UNC13C: variants seen among roughly 807,000 people sequenced by gnomAD.
UNC13C encodes the protein unc-13 homolog C, also known as protein unc-13 homolog C.
In UNC13C, 174 loss-of-function variants were observed where a neutral mutation model predicts 245.4. The observed-to-expected ratio is 0.71, with a 90% CI of 0.63 to 0.80. The LOEUF is 0.80. UNC13C is among the 30% of genes least tolerant of loss of function. The probability of loss-of-function intolerance (pLI) is 0.00; values close to 1 mark genes in which losing one functional copy is unlikely to be tolerated. For missense variants in UNC13C, 2,829 were observed against 2,602.9 expected (o/e 1.09, Z -1.89); for synonymous variants, 992 against 895.1 (o/e 1.11, Z -1.93).
At chr15:54,544,308 G>A (rs1896386693) in intron 26 of UNC13C, among the ~76,000 whole-genome samples, 1 of 152,052 alleles carries the variant, frequency 6.6e-6, no homozygotes, top group Non-Finnish European at 1.5e-5. Flanking sequence ...AAAATAATAA[G>A]AGCTATTTAT....
intron 4 of UNC13C, among the ~76,000 whole-genome samples, chr15:54,170,619 G>T (rs75607373): frequency 0.018 from 2,758 of 151,900 alleles, 60 homozygotes; most frequent in Admixed American, 0.068. Context: ...CATTTCATTT[G>T]AACAGGTTAA....
In UNC13C at chr15:54,446,912, A is replaced by C. The variant is rs1198746311; in HGVS notation, c.4933+31845A>C. Among the ~76,000 whole-genome samples the C allele has an allele frequency of 1.2e-4, 19 of 152,166 alleles. 1 individual carries two copies. The highest frequency in any genetic ancestry group is 1.0e-3 in the Admixed American group (16 of 15,282). On this transcript the variant is annotated intron_variant, in intron 19 of 32. Coordinates refer to ENST00000260323, the MANE Select transcript of UNC13C (RefSeq NM_001080534.3). Reference sequence around the variant, plus strand: ...TTCCAGTTTTTGCCCATTCAGTATGATATTGGCTGTGGGTTTGTAGTAAAT... The same window carrying C: ...TTCCAGTTTTTGCCCATTCAGTATGCTATTGGCTGTGGGTTTGTAGTAAAT...
chr15:54,559,326 C>T (rs998108025), intron 29 of UNC13C, among the ~76,000 whole-genome samples: 5 of 152,014 alleles, frequency 3.3e-5, no homozygotes, highest in Non-Finnish European at 5.9e-5. Context: ...GTGTTTCTTA[C>T]CCTCGCAGAG....
At chr15:54,469,254 C>G (rs1194366576) in intron 19 of UNC13C, among the ~76,000 whole-genome samples, 3 of 151,488 alleles carry the variant, frequency 2.0e-5, no homozygotes, top group Non-Finnish European at 4.4e-5. Flanking sequence ...AGAAATGATA[C>G]TAATTTTCAT....
chr15:54,280,775 T>TACAC (rs2036972156), intron 10 of UNC13C, among the ~76,000 whole-genome samples: 2 of 136,612 alleles, frequency 1.5e-5, no homozygotes, highest in Non-Finnish European at 3.1e-5. Flanking sequence ...CATACATATA[T>TACAC]ATATATACAC....
intron 4 of UNC13C, among the ~76,000 whole-genome samples, chr15:54,213,699 T>C (rs4503740): frequency 0.22 from 32,870 of 152,040 alleles, 3,728 homozygotes; most frequent in Middle Eastern, 0.3. Flanking sequence ...TAAGTGCATG[T>C]AAGCATAAAG....
chr15:54,204,754 A>T (rs2140730514), intron 4 of UNC13C, among the ~76,000 whole-genome samples: 1 of 152,098 alleles, frequency 6.6e-6, no homozygotes, highest in South Asian at 2.1e-4. Flanking sequence ...GGAAAGCAAA[A>T]GAATTATTAT....
At chr15:54,571,986 T>C (rs1897775466) in intron 30 of UNC13C, among the ~76,000 whole-genome samples, 2 of 152,214 alleles carry the variant, frequency 1.3e-5, no homozygotes, top group Non-Finnish European at 2.9e-5. Context: ...CTTATTTTTT[T>C]AGCTTATTTA....
intron 1 of UNC13C, among the ~76,000 whole-genome samples, chr15:53,996,785 T>C (rs762177738): frequency 2.5e-4 from 38 of 151,880 alleles, no homozygotes; most frequent in Non-Finnish European, 2.4e-4. Context: ...GCAGTAGTGG[T>C]TCATTATTCA....
At chr15:54,407,146 G>C (rs912382669) in intron 18 of UNC13C, among the ~76,000 whole-genome samples, 7 of 152,172 alleles carry the variant, frequency 4.6e-5, no homozygotes, top group African/African-American at 1.7e-4. Context: ...TTAGAAATAT[G>C]ATGGCCTGTG....
At chr15:54,120,407 C>G (rs1402023026) in intron 2 of UNC13C, among the ~76,000 whole-genome samples, 1 of 152,098 alleles carries the variant, frequency 6.6e-6, no homozygotes, top group Non-Finnish European at 1.5e-5. Context: ...AATACTTACA[C>G]TGCTCAGAAG....
rs759410926 is a variant in UNC13C at position 54,322,103 on chromosome 15, T to C, written c.4425+8T>C. 4 of 1,544,056 alleles carry C rather than the reference T, an allele frequency of 2.6e-6. No homozygotes were observed. Among genetic ancestry groups the C allele is most frequent in the Non-Finnish European group, 3.5e-6 (4 of 1,147,006 alleles). Reference sequence around the variant, plus strand: ...GCTGCTACCAACTTTGGTGTAAGTATAATTTTTTAAACTTTAAAATTCCTA... The same window carrying C: ...GCTGCTACCAACTTTGGTGTAAGTACAATTTTTTAAACTTTAAAATTCCTA... On this transcript the variant is annotated splice_region_variant and intron_variant, in intron 14 of 32. Coordinates refer to ENST00000260323, the MANE Select transcript of UNC13C (RefSeq NM_001080534.3).
At chr15:54,159,222 G>A (rs2032876248) in intron 4 of UNC13C, among the ~76,000 whole-genome samples, 1 of 152,186 alleles carries the variant, frequency 6.6e-6, no homozygotes, top group South Asian at 2.1e-4. Flanking sequence ...GAACTGTCGA[G>A]TAAACATGCT....
intron 2 of UNC13C, among the ~76,000 whole-genome samples, chr15:54,051,451 C>A (rs1021784427): frequency 6.6e-6 from 1 of 151,808 alleles, no homozygotes; most frequent in Non-Finnish European, 1.5e-5. Flanking sequence ...TCCTGGACTT[C>A]CTAATTTTTT....
intron 29 of UNC13C, among the ~76,000 whole-genome samples, chr15:54,563,718 A>G (rs913181012): frequency 1.3e-5 from 2 of 152,062 alleles, no homozygotes; most frequent in African/African-American, 4.8e-5. Context: ...ACTATACTGC[A>G]CTGAGCTATG....
At chr15:54,091,463 G>A (rs981141243) in intron 2 of UNC13C, among the ~76,000 whole-genome samples, 2 of 152,154 alleles carry the variant, frequency 1.3e-5, no homozygotes, top group Non-Finnish European at 2.9e-5. Context: ...GATTTAGGAA[G>A]AGTTGATTTG....
intron 4 of UNC13C, among the ~76,000 whole-genome samples, chr15:54,152,901 A>G (rs1346770308): frequency 6.6e-6 from 1 of 152,164 alleles, no homozygotes; most frequent in Non-Finnish European, 1.5e-5. Flanking sequence ...GTATTTTCCA[A>G]TGAAGCATAT....
chr15:54,497,782 A>G (rs1022839861), intron 20 of UNC13C, among the ~76,000 whole-genome samples: 2 of 152,128 alleles, frequency 1.3e-5, no homozygotes, highest in Non-Finnish European at 2.9e-5. Context: ...TTATAAATGG[A>G]ATCATACATT....
rs150332860 is a variant in UNC13C, at chr15:54,593,150, C to A, written c.6106+25203C>A. On this transcript the variant is annotated intron_variant, in intron 30 of 32. Coordinates refer to ENST00000260323, the MANE Select transcript of UNC13C (RefSeq NM_001080534.3). The stretch of plus-strand genomic sequence containing the variant: ...AAGATAAGGGCCCAATCCCTTTTAG[C>A]TTGTAGGGTTTCTGTTGCTAAATCT... 5.3e-5 allele frequency among the ~76,000 whole-genome samples: 8 copies of A among 152,266 alleles called. 1 individual carries two copies. In the East Asian group the frequency reaches 1.5e-3, roughly 29 times the overall value.
Sources: allele counts gnomAD v4.1 joint callset (sites outside exome capture counted in the v4.1 genomes callset), GRCh38; gene constraint gnomAD v4.1.1; transcripts MANE v1.5; gene names NCBI Gene and HGNC (gene_info 2026-07-23, HGNC 2026-07-21).